ELL: variants seen among roughly 807,000 people sequenced by gnomAD.
ELL encodes RNA polymerase II elongation factor ELL.
ELL carries 18 observed loss-of-function variants against 64.0 expected under a neutral mutation model. The observed-to-expected ratio is 0.28, with a 90% CI of 0.19 to 0.42. The LOEUF (loss-of-function observed/expected upper bound fraction) is 0.42, where lower values mean the gene tolerates loss of function less well. Among genes scored for constraint, ELL ranks in the 10% least tolerant of loss-of-function variants. The pLI, the probability that ELL is intolerant of heterozygous loss-of-function variation, is 1.00. For missense variants in ELL, 797 were observed against 870.4 expected (o/e 0.92, Z 1.06); for synonymous variants, 399 against 376.2 (o/e 1.06, Z -0.70).
In ELL at chr19:18,473,551, C is replaced by T. The variant is rs1001683521; in HGVS notation, c.136-669G>A. On this transcript the variant is annotated intron_variant, in intron 1 of 11. Transcript: ENST00000262809. Reference sequence around the variant, plus strand: ...GTCACATGGCTTCTGGACAGCTGGTCACTGAGCTTGGAGCAGTGGAATTTC... The same window carrying T: ...GTCACATGGCTTCTGGACAGCTGGTTACTGAGCTTGGAGCAGTGGAATTTC... Among the ~76,000 whole-genome samples the T allele has an allele frequency of 2.6e-5, 4 of 152,210 alleles. No individual in the cohort carries two copies. In the South Asian group the frequency reaches 6.2e-4, roughly 24 times the overall value.
At chr19:18,468,138 CCACA>C (rs1390775740) in intron 2 of ELL, among the ~76,000 whole-genome samples, 2 of 149,312 alleles carry the variant, frequency 1.3e-5, no homozygotes, top group African/African-American at 5.0e-5. Flanking sequence ...ACATAAACCC[CCACA>C]CAGCCACACA....
intron 1 of ELL, among the ~76,000 whole-genome samples, chr19:18,482,881 C>T (rs1374357971): frequency 2.6e-5 from 4 of 152,060 alleles, no homozygotes; most frequent in Non-Finnish European, 5.9e-5. Context: ...GCCACAGTCT[C>T]CTGGGCTCAA....
At chr19:18,467,289 A>G (rs1464116153) in intron 2 of ELL, among the ~76,000 whole-genome samples, 1 of 151,944 alleles carries the variant, frequency 6.6e-6, no homozygotes, top group Non-Finnish European at 1.5e-5. Context: ...CAGGCTGAAC[A>G]CTGCCCCAGG....
In ELL at chr19:18,461,770, C is replaced by T. The variant is rs370300491; in HGVS notation, c.552G>A (p.Leu184=). 1 of 1,614,106 alleles carries T rather than the reference C, an allele frequency of 6.2e-7. No individual in the cohort carries two copies. Among genetic ancestry groups the T allele is most frequent in the Non-Finnish European group, 8.5e-7 (1 of 1,180,042 alleles). The change falls in exon 5 of 12, where the codon TTG becomes TTA. Residue 184 remains leucine (L), a synonymous_variant. Coordinates refer to ENST00000262809, the MANE Select transcript of ELL (RefSeq NM_006532.4). The stretch of plus-strand genomic sequence containing the variant: ...CACCACTCTTCCTGATGGCACTCGC[C>T]AAGTTGATGGGGGTTGCCCGCTTCC... The part of the protein sequence containing the change: ...PSRKRATPIN[L]ASAIRKSGAS...
chr19:18,461,520 C>CGCA (rs1250751737), intron 5 of ELL, 58 bp downstream of exon 5: 1 of 1,544,188 alleles, frequency 6.5e-7, no homozygotes, highest in African/African-American at 1.3e-5. Flanking sequence ...CCATCCCACC[C>CGCA]GCACAAGACC....
rs181896347 is a variant in ELL, at chr19:18,519,684, G to A, written c.135+2237C>T. 2.0e-5 allele frequency among the ~76,000 whole-genome samples: 3 copies of A among 152,150 alleles called. No homozygotes were observed. The East Asian group carries it at 5.8e-4, about 29-fold the overall frequency. On this transcript the variant is annotated intron_variant, in intron 1 of 11. Coordinates refer to ENST00000262809, the MANE Select transcript of ELL (RefSeq NM_006532.4). ...TAGCCGGGTGTGGTGGCACGTGCCT[G>A]TAGTCCCAGCTACTCGGGAGGCTGA...
At chr19:18,496,931 A>C (rs1975667145) in intron 1 of ELL, among the ~76,000 whole-genome samples, 3 of 152,398 alleles carry the variant, frequency 2.0e-5, no homozygotes, top group Admixed American at 2.0e-4. Flanking sequence ...ATGGGGCAAC[A>C]GGAACCTCAT....
chr19:18,487,561 C>T (rs956073735), intron 1 of ELL, among the ~76,000 whole-genome samples: 2 of 152,216 alleles, frequency 1.3e-5, no homozygotes, highest in African/African-American at 4.8e-5. Flanking sequence ...CTGATGTGGC[C>T]ACGGCCAGGC....
intron 1 of ELL, among the ~76,000 whole-genome samples, chr19:18,474,718 C>A (rs1975141642): frequency 6.6e-6 from 1 of 152,246 alleles, no homozygotes; most frequent in Non-Finnish European, 1.5e-5. Flanking sequence ...GAAGGGCTAG[C>A]CCTGTACCCC....
At chr19:18,507,298 G>A (rs1975901853) in intron 1 of ELL, among the ~76,000 whole-genome samples, 1 of 152,250 alleles carries the variant, frequency 6.6e-6, no homozygotes, top group African/African-American at 2.4e-5. Context: ...TGAAAAGGGA[G>A]AGATAACATC....
At chr19:18,515,873 G>A (rs1283340255) in intron 1 of ELL, among the ~76,000 whole-genome samples, 6 of 152,166 alleles carry the variant, frequency 3.9e-5, no homozygotes, top group African/African-American at 9.7e-5. Flanking sequence ...AGGTGATGCC[G>A]CCTCTCAGAG....
intron 1 of ELL, among the ~76,000 whole-genome samples, chr19:18,500,656 A>G (rs1975762945): frequency 6.6e-6 from 1 of 152,032 alleles, no homozygotes; most frequent in Admixed American, 6.5e-5. Context: ...GTGCCCTGCA[A>G]CCTCTTGGCG....
intron 1 of ELL, among the ~76,000 whole-genome samples, chr19:18,476,759 A>C (rs928156989): frequency 8.5e-5 from 13 of 152,088 alleles, no homozygotes; most frequent in African/African-American, 4.8e-5. Context: ...TCTGGCTCAC[A>C]CTGTATCCCC....
intron 1 of ELL, among the ~76,000 whole-genome samples, chr19:18,504,102 C>A (rs996993937): frequency 7.2e-5 from 11 of 152,246 alleles, no homozygotes; most frequent in African/African-American, 2.7e-4. Context: ...ACGGCGGATG[C>A]AGGGGTCAAC....
intron 2 of ELL, 182 bp downstream of exon 2, chr19:18,472,653 G>A (rs1000899417): frequency 1.2e-5 from 8 of 682,868 alleles, no homozygotes; most frequent in Middle Eastern, 2.8e-4. Flanking sequence ...ACGTGCACCC[G>A]ACACGTCCTG....
intron 1 of ELL, among the ~76,000 whole-genome samples, chr19:18,510,133 C>A (rs527878974): frequency 6.6e-6 from 1 of 152,284 alleles, no homozygotes; most frequent in South Asian, 2.1e-4. Flanking sequence ...TTTGGGAGGC[C>A]AAGGTGGGTG....
intron 10 of ELL, 26 bp from the exon 11 acceptor site, chr19:18,445,294 A>C: frequency 6.2e-7 from 1 of 1,613,472 alleles, no homozygotes; most frequent in Non-Finnish European, 8.5e-7. Flanking sequence ...AATTTTGAGA[A>C]AACAGAATGT....
At chr19:18,487,370 C>A (rs765358060) in intron 1 of ELL, among the ~76,000 whole-genome samples, 1 of 152,344 alleles carries the variant, frequency 6.6e-6, no homozygotes, top group Non-Finnish European at 1.5e-5. Context: ...AGTCTTCCTT[C>A]GTGCTTGAGG....
At chr19:18,476,722 C>T (rs1045618012) in intron 1 of ELL, among the ~76,000 whole-genome samples, 10 of 152,168 alleles carry the variant, frequency 6.6e-5, no homozygotes, top group African/African-American at 9.7e-5. Flanking sequence ...GAGAGGTGGC[C>T]GTCATCATGG....
Sources: allele counts gnomAD v4.1 joint callset (sites outside exome capture counted in the v4.1 genomes callset), GRCh38; gene constraint gnomAD v4.1.1; transcripts MANE v1.5; gene names NCBI Gene and HGNC (gene_info 2026-07-23, HGNC 2026-07-21).